The following NFIB variants were observed in gnomAD, a reference collection of about 807,000 sequenced individuals.
The protein encoded by NFIB is nuclear factor 1 B-type.
NFIB carries 11 observed loss-of-function variants against 61.5 expected under a neutral mutation model. The ratio of observed to expected loss-of-function variants is 0.18; its 90% CI spans 0.11 to 0.30. NFIB has a LOEUF of 0.30. NFIB is among the 10% of genes least tolerant of loss of function. NFIB has a pLI of 1.00. For synonymous variants in NFIB, 260 were observed against 216.5 expected, an observed-to-expected ratio of 1.20 and a Z score of -1.76; for missense variants, 471 against 608.9, an observed-to-expected ratio of 0.77 and a Z score of 2.38.
the NFIB span, among the ~76,000 whole-genome samples, chr9:14,416,474 G>C: frequency 1.3e-5 from 2 of 151,234 alleles, no homozygotes; most frequent in Non-Finnish European, 2.9e-5. Flanking sequence ...GTAGGCCCAG[G>C]CTAATGTGTG....
chr9:14,100,678 C>A (rs1193625759), intron 10 of NFIB, among the ~76,000 whole-genome samples: 1 of 152,240 alleles, frequency 6.6e-6, no homozygotes, highest in Non-Finnish European at 1.5e-5. Flanking sequence ...TGCGCCACTG[C>A]ACTCCAGCCT....
chr9:14,137,882 T>C (rs1042975981), intron 6 of NFIB, among the ~76,000 whole-genome samples: 1 of 152,128 alleles, frequency 6.6e-6, no homozygotes, highest in Non-Finnish European at 1.5e-5. Flanking sequence ...ACTACATGCA[T>C]GAATCTCTAA....
At chr9:14,254,645 C>G (rs1336656207) in intron 2 of NFIB, among the ~76,000 whole-genome samples, 1 of 152,156 alleles carries the variant, frequency 6.6e-6, no homozygotes, top group East Asian at 1.9e-4. Context: ...AAAAGCCCAT[C>G]TGCTATAATA....
At chr9:14,410,038 T>C in the NFIB span, among the ~76,000 whole-genome samples, 1 of 152,140 alleles carries the variant, frequency 6.6e-6, no homozygotes, top group Non-Finnish European at 1.5e-5. Context: ...ATGTCTTTTA[T>C]GTGCTCTAGG....
intron 1 of NFIB, among the ~76,000 whole-genome samples, chr9:14,344,236 A>G (rs1410616577): frequency 6.6e-6 from 1 of 151,870 alleles, no homozygotes; most frequent in African/African-American, 2.4e-5. Context: ...GCACACACAG[A>G]GAGAGTCACA....
the NFIB span, among the ~76,000 whole-genome samples, chr9:14,473,424 G>T: frequency 1.3e-5 from 2 of 152,034 alleles, no homozygotes; most frequent in Non-Finnish European, 2.9e-5. Flanking sequence ...CTGTAGAAAA[G>T]TCAATTCAAG....
chr9:14,386,582 C>T (rs1211853189), intron 1 of NFIB, among the ~76,000 whole-genome samples: 1 of 149,690 alleles, frequency 6.7e-6, no homozygotes, highest in Non-Finnish European at 1.5e-5. Flanking sequence ...CATGCATTCT[C>T]ACAGAGGAAC....
intron 6 of NFIB, among the ~76,000 whole-genome samples, chr9:14,131,275 G>A (rs2040371737): frequency 6.6e-6 from 1 of 152,162 alleles, no homozygotes; most frequent in East Asian, 1.9e-4. Context: ...TACTGATAAA[G>A]TTGGTTCATT....
chr9:14,459,657 A>T, the NFIB span, among the ~76,000 whole-genome samples: 2 of 152,198 alleles, frequency 1.3e-5, no homozygotes, highest in Non-Finnish European at 2.9e-5. Context: ...CAATGAACTC[A>T]AACAAATTTA....
intron 3 of NFIB, among the ~76,000 whole-genome samples, chr9:14,177,516 T>C (rs530798148): frequency 2.6e-5 from 4 of 152,254 alleles, no homozygotes; most frequent in Admixed American, 6.5e-5. Flanking sequence ...GTTGAGTTCA[T>C]AGTATTATAA....
chr9:14,366,410 G>C (rs2061300631), intron 1 of NFIB, among the ~76,000 whole-genome samples: 1 of 152,156 alleles, frequency 6.6e-6, no homozygotes, highest in Admixed American at 6.6e-5. Context: ...CTGAAGACAA[G>C]ACCACTTCCT....
intron 2 of NFIB, among the ~76,000 whole-genome samples, chr9:14,188,852 G>T (rs901177257): frequency 6.6e-6 from 1 of 152,082 alleles, no homozygotes; most frequent in Non-Finnish European, 1.5e-5. Flanking sequence ...TTTACAACAA[G>T]GTATGTAGTG....
the NFIB span, among the ~76,000 whole-genome samples, chr9:14,500,009 C>T: frequency 6.6e-6 from 1 of 152,204 alleles, no homozygotes; most frequent in Non-Finnish European, 1.5e-5. Flanking sequence ...TAGTACCCGT[C>T]GGAGAGCGGG....
chr9:14,328,584 A>G (rs2060783093), intron 1 of NFIB, among the ~76,000 whole-genome samples: 1 of 152,090 alleles, frequency 6.6e-6, no homozygotes, highest in Non-Finnish European at 1.5e-5. Context: ...CCCATCACCT[A>G]AAAAATTTGT....
chr9:14,300,375 G>A (rs1336202919), intron 2 of NFIB: 4 of 396,206 alleles, frequency 1.0e-5, no homozygotes, highest in Non-Finnish European at 1.8e-5. Context: ...TGAACATTAT[G>A]TTGGCTAATC....
chr9:14,221,062 C>A (rs1366257325), intron 2 of NFIB, among the ~76,000 whole-genome samples: 2 of 152,136 alleles, frequency 1.3e-5, no homozygotes, highest in African/African-American at 4.8e-5. Context: ...TCAAGCCAAG[C>A]CAAATGTTGA....
At chr9:14,116,571 G>A (rs1333238864) in intron 8 of NFIB, among the ~76,000 whole-genome samples, 1 of 152,214 alleles carries the variant, frequency 6.6e-6, no homozygotes, top group Non-Finnish European at 1.5e-5. Flanking sequence ...CATGGTATAG[G>A]TGAATTCCTC....
chr9:14,120,729 T>C lies in NFIB; in HGVS notation c.1061-105A>G, dbSNP rs2038814866. The C allele has an allele frequency of 8.4e-7, 1 of 1,184,814 alleles. No individual in the cohort carries two copies. The highest frequency in any genetic ancestry group is 2.6e-5 in the East Asian group (1 of 37,782). 73.4% of individuals were successfully genotyped at this position (1,184,814 alleles called of 1,614,324 possible). On this transcript the variant is annotated intron_variant, in intron 7 of 10. Coordinates refer to ENST00000380953, the MANE Select transcript of NFIB (RefSeq NM_001190737.2). This position sits in a 1 kb window ranked among gnomAD's most constrained non-coding sequence, Gnocchi z 4.4. ...AAACTACAAAACTGGTAACCATTCATTTTTGTCCCCATGATTTAACCAAGC... is the reference window on the plus strand; with the variant it reads ...AAACTACAAAACTGGTAACCATTCACTTTTGTCCCCATGATTTAACCAAGC...
chr9:14,169,418 C>T (rs1260905926), intron 3 of NFIB, among the ~76,000 whole-genome samples: 1 of 152,064 alleles, frequency 6.6e-6, no homozygotes, highest in African/African-American at 2.4e-5. Flanking sequence ...CCCTAAAGAG[C>T]AGAATGTAAG....
Sources: gnomAD v4.1 joint callset for allele counts (sites outside exome capture counted in the v4.1 genomes callset) on GRCh38, gnomAD v4.1.1 for gene constraint, Gnocchi (gnomAD v3.1) non-coding constraint, MANE v1.5 for transcripts, NCBI Gene and HGNC (gene_info 2026-07-23, HGNC 2026-07-21) for gene names.